Variants in ITFG2 observed in about 807,000 individuals in gnomAD.
The protein encoded by ITFG2 is integrin alpha FG-GAP repeat containing 2.
In ITFG2, 36 loss-of-function variants were observed where a neutral mutation model predicts 54.4. The observed-to-expected ratio is 0.66, with a 90% CI of 0.51 to 0.87. The LOEUF is 0.87. Ranked by LOEUF, ITFG2 falls within the 40% of genes least tolerant of loss-of-function variation. The pLI, the probability that ITFG2 is intolerant of heterozygous loss-of-function variation, is 0.00. For missense variants in ITFG2, 524 were observed against 576.7 expected (o/e 0.91, Z 0.94); for synonymous variants, 211 against 225.4 (o/e 0.94, Z 0.57).
At chr12:2,854,150 T>A (rs2098079977) in intron 2 of ITFG2, among the ~76,000 whole-genome samples, 1 of 152,210 alleles carries the variant, frequency 6.6e-6, no homozygotes, top group African/African-American at 2.4e-5. Flanking sequence ...CTCAGTCTCC[T>A]GAGTAGCTGG....
chr12:2,858,519 G>GA lies in ITFG2; in HGVS notation n.620+188_620+189insA, dbSNP rs1187606453. 2,146 of 815,334 alleles carry GA rather than the reference G, an allele frequency of 2.6e-3. 8 individuals carry two copies. Among genetic ancestry groups the GA allele is most frequent in the Non-Finnish European group, 3.5e-3 (1,859 of 528,996 alleles). The allele number at this position is 815,334 out of a possible 1,614,324, so 50.5% of individuals were successfully genotyped here. On this transcript the variant is annotated intron_variant and non_coding_transcript_variant, in intron 3 of 3. Transcript: ENST00000537710. The stretch of plus-strand genomic sequence containing the variant: ...CTACTTTTGCATAATCAGGCAGCAG[G>GA]GAGCTATGAGGAGCAGAACAGTCCC...
At chr12:2,827,076 A>G, downstream of ITFG2, 1 of 1,504,770 alleles carries the variant, frequency 6.6e-7, no homozygotes, top group Non-Finnish European at 8.8e-7. This position sits in a 1 kb window ranked among gnomAD's most constrained non-coding sequence, Gnocchi z 4.0. Flanking sequence ...ATGGGACAGC[A>G]GGGGTCAGGG....
chr12:2,827,489 A>G, downstream of ITFG2: 13 of 1,546,314 alleles, frequency 8.4e-6, no homozygotes, highest in Non-Finnish European at 1.1e-5. This position sits in a 1 kb window ranked among gnomAD's most constrained non-coding sequence, Gnocchi z 4.0. Flanking sequence ...GTGGTAAGTA[A>G]GGAACCTCTA....
chr12:2,822,106 T>C lies in ITFG2; in HGVS notation c.948+314T>C, dbSNP rs537485758. On this transcript the variant is annotated intron_variant, in intron 9 of 11. Transcript: ENST00000228799. The stretch of plus-strand genomic sequence containing the variant: ...CCACACTGGGCTAACTTTCCTAAAC[T>C]TTTTGTAAAGATGAGATCTCACTAT... 3.3e-5 allele frequency among the ~76,000 whole-genome samples: 5 copies of C among 152,138 alleles called. 1 individual carries two copies. The South Asian group carries it at 1.0e-3, about 32-fold the overall frequency.
chr12:2,852,692 A>T (rs1199268937), intron 2 of ITFG2, among the ~76,000 whole-genome samples: 1 of 152,112 alleles, frequency 6.6e-6, no homozygotes, highest in Non-Finnish European at 1.5e-5. Flanking sequence ...TGTCCAGCTC[A>T]GATAGCCCAC....
intron 1 of ITFG2, chr12:2,840,771 G>A (rs2098039268): frequency 6.6e-6 from 1 of 152,238 alleles, no homozygotes; most frequent in African/African-American, 2.4e-5. Context: ...GGGTGACAGA[G>A]CAAGACTCCG....
At chr12:2,855,539 C>T in intron 2 of ITFG2, 2 of 966,108 alleles carry the variant, frequency 2.1e-6, no homozygotes, top group Non-Finnish European at 2.8e-6. Context: ...CCAGGCACGA[C>T]CTCTGCCAGC....
chr12:2,815,855 C>T (rs2097920129), intron 1 of ITFG2, among the ~76,000 whole-genome samples: 4 of 152,044 alleles, frequency 2.6e-5, no homozygotes. Context: ...TTGTGTTGGC[C>T]TCAAAAGATT....
intron 2 of ITFG2, among the ~76,000 whole-genome samples, chr12:2,848,877 GCACACA>G (rs3056877): frequency 5.7e-4 from 80 of 140,352 alleles, no homozygotes; most frequent in East Asian, 1.5e-3. Context: ...ACACACACAC[GCACACA>G]CACACACACA....
intron 4 of ITFG2, 38 bp downstream of exon 4, chr12:2,818,315 G>A (rs755850400): frequency 2.5e-6 from 4 of 1,605,118 alleles, no homozygotes. Context: ...CAGGAGAGTA[G>A]GAGTCAGTGG....
At chr12:2,820,674 A>G in intron 5 of ITFG2, 50 bp from the exon 6 acceptor site, 1 of 918,520 alleles carries the variant, frequency 1.1e-6, no homozygotes, top group East Asian at 6.0e-5. Context: ...CTCTGCAGGG[A>G]CCCACTTCCT....
intron 4 of ITFG2, chr12:2,818,547 C>A: frequency 2.0e-6 from 1 of 495,860 alleles, no homozygotes; most frequent in Non-Finnish European, 3.5e-6. Flanking sequence ...CCTGTGATAC[C>A]AACGCTTTGG....
intron 1 of ITFG2, among the ~76,000 whole-genome samples, chr12:2,815,379 G>T (rs985578658): frequency 3.3e-5 from 5 of 152,210 alleles, no homozygotes; most frequent in Non-Finnish European, 7.3e-5. Context: ...CAGCTACCCA[G>T]ATACAAATGG....
At chr12:2,837,941 C>G (rs1158112124) in intron 1 of ITFG2, among the ~76,000 whole-genome samples, 2 of 152,192 alleles carry the variant, frequency 1.3e-5, no homozygotes, top group Non-Finnish European at 2.9e-5. Context: ...TACGCTGTGC[C>G]TAAAGGAGAA....
At chr12:2,843,697 C>T (rs979570831) in intron 2 of ITFG2, among the ~76,000 whole-genome samples, 28 of 152,136 alleles carry the variant, frequency 1.8e-4, no homozygotes, top group African/African-American at 6.5e-4. Context: ...CCCATAGTCC[C>T]AGCTACTCAG....
intron 2 of ITFG2, 52 bp downstream of exon 2, chr12:2,817,370 A>G (rs2153923855): frequency 1.5e-6 from 2 of 1,333,006 alleles, no homozygotes; most frequent in Non-Finnish European, 2.1e-6. Flanking sequence ...CCTTCTGTCC[A>G]GGGACCACCT....
At chr12:2,815,363 A>G (rs2097919116) in intron 1 of ITFG2, among the ~76,000 whole-genome samples, 1 of 152,210 alleles carries the variant, frequency 6.6e-6, no homozygotes, top group South Asian at 2.1e-4. Flanking sequence ...GAGCCCCTGT[A>G]AAGGGCAGCT....
intron 1 of ITFG2, among the ~76,000 whole-genome samples, chr12:2,815,984 C>G (rs1436356353): frequency 6.6e-6 from 1 of 152,032 alleles, no homozygotes; most frequent in East Asian, 1.9e-4. Flanking sequence ...CCTTCCTCAG[C>G]CTCCTGAGTA....
At chr12:2,827,375 CT>C (rs1235922579), downstream of ITFG2, 4 of 1,543,096 alleles carry the variant, frequency 2.6e-6, no homozygotes, top group Non-Finnish European at 3.5e-6. This position sits in a 1 kb window ranked among gnomAD's most constrained non-coding sequence, Gnocchi z 4.0. Flanking sequence ...TTTGTTCCCC[CT>C]CCCACTTCCC....
Sources: gnomAD v4.1 joint callset for allele counts (sites outside exome capture counted in the v4.1 genomes callset) on GRCh38, gnomAD v4.1.1 for gene constraint, Gnocchi (gnomAD v3.1) non-coding constraint, MANE v1.5 for transcripts, NCBI Gene and HGNC (gene_info 2026-07-23, HGNC 2026-07-21) for gene names.